Variants in CELF2 observed in about 807,000 individuals in gnomAD.
CELF2 encodes the protein CUGBP Elav-like family member 2.
A neutral mutation model predicts 62.6 loss-of-function variants in CELF2; 8 were observed. The ratio of observed to expected loss-of-function variants is 0.13; its 90% CI spans 0.07 to 0.23. CELF2 has a LOEUF of 0.23. CELF2 is among the 10% of genes least tolerant of loss of function. The probability of loss-of-function intolerance (pLI) is 1.00; values close to 1 mark genes in which losing one functional copy is unlikely to be tolerated. For missense variants in CELF2, 333 were observed against 671.0 expected (o/e 0.50, Z 5.56); for synonymous variants, 258 against 250.0 (o/e 1.03, Z -0.30).
the CELF2 span, among the ~76,000 whole-genome samples, chr10:10,551,950 C>G: frequency 2.0e-5 from 3 of 151,720 alleles, no homozygotes; most frequent in Non-Finnish European, 4.4e-5. Flanking sequence ...TTTCAGGGTG[C>G]TTTTTTTTCT....
At chr10:10,878,366 T>A (rs1336665460) in intron 1 of CELF2, among the ~76,000 whole-genome samples, 2 of 152,218 alleles carry the variant, frequency 1.3e-5, no homozygotes, top group South Asian at 4.1e-4. Context: ...TGTGAGTCTC[T>A]GAGCACAGTG....
At chr10:10,768,176 A>G in the CELF2 span, among the ~76,000 whole-genome samples, 10 of 151,910 alleles carry the variant, frequency 6.6e-5, no homozygotes, top group Non-Finnish European at 1.5e-4. Context: ...AAAAAAAAAA[A>G]AAAAACCAAA....
chr10:10,854,678 A>C (rs375443524), intron 1 of CELF2, among the ~76,000 whole-genome samples: 1 of 152,056 alleles, frequency 6.6e-6, no homozygotes, highest in Non-Finnish European at 1.5e-5. Flanking sequence ...CAGCAAAACT[A>C]TAAGCTCCCT....
chr10:10,599,957 T>G, the CELF2 span, among the ~76,000 whole-genome samples: 5 of 152,082 alleles, frequency 3.3e-5, no homozygotes, highest in Non-Finnish European at 7.4e-5. Context: ...GGTCTCGATC[T>G]CCTGACCTCC....
In CELF2 at chr10:11,165,001, C is replaced by A; in HGVS notation, c.75-485C>A. The A allele has an allele frequency of 1.1e-6, 1 of 918,858 alleles. No individual in the cohort carries two copies. The highest frequency in any genetic ancestry group is 1.3e-6 in the Non-Finnish European group (1 of 768,658). The allele number at this position is 918,858 out of a possible 1,614,324, so 56.9% of individuals were successfully genotyped here. Reference sequence around the variant, plus strand: ...TTTCCATGTGACTTTATTATTACCACCTCTCTCCTCTCTTCCAAAAACCTC... The same window carrying A: ...TTTCCATGTGACTTTATTATTACCAACTCTCTCCTCTCTTCCAAAAACCTC... On this transcript the variant is annotated intron_variant, in intron 1 of 12. Transcript: ENST00000633077. This position sits in a 1 kb window ranked among gnomAD's most constrained non-coding sequence, Gnocchi z 7.4.
the CELF2 span, among the ~76,000 whole-genome samples, chr10:10,479,747 G>A: frequency 1.3e-5 from 2 of 152,138 alleles, no homozygotes; most frequent in Non-Finnish European, 2.9e-5. Flanking sequence ...TTACACACTT[G>A]GAAAGTGAAA....
upstream of CELF2, among the ~76,000 whole-genome samples, chr10:11,014,325 G>A (rs186781981): frequency 6.6e-6 from 1 of 152,286 alleles, no homozygotes; most frequent in East Asian, 1.9e-4. Context: ...TTTAAGTGAT[G>A]CTACCATGGG....
At chr10:10,734,886 G>A in the CELF2 span, among the ~76,000 whole-genome samples, 1 of 152,178 alleles carries the variant, frequency 6.6e-6, no homozygotes, top group Non-Finnish European at 1.5e-5. Flanking sequence ...TGGGCTCCCT[G>A]CCCTGTAAAC....
At chr10:10,490,003 T>A in the CELF2 span, among the ~76,000 whole-genome samples, 1 of 152,136 alleles carries the variant, frequency 6.6e-6, no homozygotes, top group Non-Finnish European at 1.5e-5. Flanking sequence ...CAGAGTACTT[T>A]ATGGCATGAC....
chr10:11,280,470 G>A lies in CELF2; in HGVS notation c.841+5350G>A, dbSNP rs182484646. Among the ~76,000 whole-genome samples the A allele has an allele frequency of 2.0e-5, 3 of 152,300 alleles. No individual in the cohort carries two copies. The highest frequency in any genetic ancestry group is 2.1e-4 in the South Asian group (1 of 4,830). ...GAAGGCAGGCAGGTGCGATGTCCAC[G>A]TTCCGGGTGATGGCGCTGTGGCTGT... is the stretch of plus-strand genomic sequence containing the variant. On this transcript the variant is annotated intron_variant, in intron 8 of 12. Transcript: ENST00000633077. The surrounding 1 kb of genome is among the most constrained non-coding windows in gnomAD (Gnocchi z 7.6).
At position 11,046,396 on chromosome 10, in the gene CELF2, A is replaced by G. The variant is rs2062852067; in HGVS notation, c.74+28233A>G. 6.6e-6 allele frequency among the ~76,000 whole-genome samples: 1 copy of G among 152,242 alleles called. No individual in the cohort carries two copies. Among genetic ancestry groups the G allele is most frequent in the South Asian group, 2.1e-4 (1 of 4,830 alleles). On this transcript the variant is annotated intron_variant, in intron 1 of 12. Transcript: ENST00000633077. The surrounding 1 kb of genome is among the most constrained non-coding windows in gnomAD (Gnocchi z 4.6). ...GACGACTTGGCCCAGAGTTGGGCACAGAGTATGCCCTCAATAAGTACTTGT... is the reference window on the plus strand; with the variant it reads ...GACGACTTGGCCCAGAGTTGGGCACGGAGTATGCCCTCAATAAGTACTTGT...
At chr10:11,027,094 G>A (rs541897284) in intron 1 of CELF2, among the ~76,000 whole-genome samples, 6 of 152,224 alleles carry the variant, frequency 3.9e-5, no homozygotes, top group Admixed American at 6.5e-5. Context: ...ATCTTTGCTC[G>A]TGACTCCCAT....
the CELF2 span, among the ~76,000 whole-genome samples, chr10:10,780,244 A>G: frequency 6.6e-6 from 1 of 152,166 alleles, no homozygotes; most frequent in African/African-American, 2.4e-5. Context: ...CCAACTAACC[A>G]TTTTATAGAG....
chr10:10,832,753 C>T (rs2057974297), intron 1 of CELF2, among the ~76,000 whole-genome samples: 1 of 152,098 alleles, frequency 6.6e-6, no homozygotes. Flanking sequence ...TCCCCAGTGT[C>T]TTGTTTTTAA....
chr10:10,825,432 G>C (rs961216017), intron 1 of CELF2, among the ~76,000 whole-genome samples: 2 of 152,076 alleles, frequency 1.3e-5, no homozygotes, highest in Non-Finnish European at 2.9e-5. Flanking sequence ...GGCTGGTCTT[G>C]ATTTCCTGAC....
chr10:10,880,800 A>G (rs1006022136), intron 1 of CELF2, among the ~76,000 whole-genome samples: 4 of 152,120 alleles, frequency 2.6e-5, no homozygotes, highest in African/African-American at 9.7e-5. Flanking sequence ...TTTCTGCCAT[A>G]TTTTGTACAT....
rs2050888746 is a variant in CELF2 at position 10,972,751 on chromosome 10, C to T, written c.89+52752C>T. 6.6e-6 allele frequency among the ~76,000 whole-genome samples: 1 copy of T among 152,176 alleles called. No individual in the cohort carries two copies. The highest frequency in any genetic ancestry group is 2.1e-4 in the South Asian group (1 of 4,824). On this transcript the variant is annotated intron_variant, in intron 2 of 13. Coordinates refer to the CELF2 transcript ENST00000636488. The surrounding 1 kb of genome is among the most constrained non-coding windows in gnomAD (Gnocchi z 4.4). Reference sequence around the variant, plus strand: ...CCTCCAACTCACAAGGTCACGTCCACTCACACCCTTCCTTTTTGATCTGTT... The same window carrying T: ...CCTCCAACTCACAAGGTCACGTCCATTCACACCCTTCCTTTTTGATCTGTT...
At chr10:11,288,805 T>G (rs2091962910) in intron 9 of CELF2, among the ~76,000 whole-genome samples, 1 of 152,262 alleles carries the variant, frequency 6.6e-6, no homozygotes, top group Admixed American at 6.5e-5. Flanking sequence ...TCTCACACAT[T>G]CACTCTGTTT....
intron 1 of CELF2, among the ~76,000 whole-genome samples, chr10:10,912,293 A>G (rs2063880542): frequency 6.6e-6 from 1 of 152,204 alleles, no homozygotes. Context: ...TTCATCCTTC[A>G]TAACATATTC....
Sources: allele counts gnomAD v4.1 joint callset (sites outside exome capture counted in the v4.1 genomes callset), GRCh38; gene constraint gnomAD v4.1.1; non-coding constraint Gnocchi (gnomAD v3.1); transcripts MANE v1.5; gene names NCBI Gene and HGNC (gene_info 2026-07-23, HGNC 2026-07-21).